TDRD3: variants seen among roughly 807,000 people sequenced by gnomAD.
TDRD3 encodes the protein tudor domain-containing protein 3.
Under a neutral mutation model 86.7 loss-of-function variants are expected in TDRD3, and 45 were observed. That is an observed-to-expected ratio of 0.52 (90% CI 0.41 to 0.67). TDRD3 has a LOEUF of 0.67. Among genes scored for constraint, TDRD3 ranks in the 30% least tolerant of loss-of-function variants. TDRD3 has a pLI of 0.00. For missense variants in TDRD3, 814 were observed against 889.0 expected (o/e 0.92, Z 1.07); for synonymous variants, 298 against 301.7 (o/e 0.99, Z 0.13).
Position 60,529,113 on chromosome 13 carries a change from C to A in TDRD3, c.1888C>A (p.Pro630Thr). Residue 630 changes from proline (P) to threonine (T), a missense_variant, in exon 11 of 14, where the codon CCA becomes ACA. By Grantham distance (38) the Pro-to-Thr change is conservative. Transcript: ENST00000377881. ...TAGTGGGCCCAAACGAAGATCTGGG[C>A]CAATTAAGCCAGAAAAAATACTAGA... is the stretch of plus-strand genomic sequence containing the variant. ...YNSGPKRRSG[P>T]IKPEKILESS... 6.2e-7 allele frequency: 1 copy of A among 1,613,812 alleles called. No homozygotes were observed. The highest frequency in any genetic ancestry group is 8.5e-7 in the Non-Finnish European group (1 of 1,179,902).
At chr13:60,443,174 T>G (rs1955322060) in intron 2 of TDRD3, among the ~76,000 whole-genome samples, 1 of 152,032 alleles carries the variant, frequency 6.6e-6, no homozygotes, top group Admixed American at 6.6e-5. Context: ...TATTGAGTGC[T>G]TACTCTGTGC....
At chr13:60,430,843 G>A (rs1023123768) in intron 1 of TDRD3, among the ~76,000 whole-genome samples, 3 of 151,964 alleles carry the variant, frequency 2.0e-5, no homozygotes, top group Non-Finnish European at 2.9e-5. Flanking sequence ...ATAGAAGTTT[G>A]TTGTTTATTA....
chr13:60,466,994 T>C (rs1038221862), intron 4 of TDRD3, among the ~76,000 whole-genome samples: 5 of 152,070 alleles, frequency 3.3e-5, no homozygotes, highest in African/African-American at 1.2e-4. Flanking sequence ...TTTTTTGTTT[T>C]AAGTTTCAGG....
chr13:60,484,876 A>G (rs1595001389), intron 6 of TDRD3: 1 of 290,018 alleles, frequency 3.4e-6, no homozygotes, highest in Non-Finnish European at 6.8e-6. Flanking sequence ...CATTTTGGTG[A>G]TAATATTTCT....
chr13:60,422,936 A>G (rs1954699684), intron 1 of TDRD3, among the ~76,000 whole-genome samples: 1 of 152,186 alleles, frequency 6.6e-6, no homozygotes, highest in African/African-American at 2.4e-5. Context: ...ATGTAAATCC[A>G]CACATTGAAA....
rs1331639067 is a variant in TDRD3 at position 60,529,102 on chromosome 13, G to A, written c.1877G>A (p.Arg626Gln). 1.1e-5 allele frequency: 17 copies of A among 1,613,830 alleles called. No homozygotes were observed. The highest frequency in any genetic ancestry group is 2.2e-5 in the South Asian group (2 of 91,074). The part of the protein sequence containing the change: ...DKIFYNSGPK[R>Q]RSGPIKPEKI... ...ATATTTTACAATAGTGGGCCCAAAC[G>A]AAGATCTGGGCCAATTAAGCCAGAA... Residue 626 changes from arginine (R) to glutamine (Q), a missense_variant, in exon 11 of 14, where the codon CGA becomes CAA. By Grantham distance (43) the Arg-to-Gln change is conservative. Coordinates refer to ENST00000377881, the MANE Select transcript of TDRD3 (RefSeq NM_001146070.2).
intron 5 of TDRD3, among the ~76,000 whole-genome samples, chr13:60,481,350 T>G (rs1044478987): frequency 4.6e-5 from 3 of 65,648 alleles, no homozygotes; most frequent in African/African-American, 1.8e-4. Flanking sequence ...CCTCTTTGTG[T>G]TTTTTTTTTT....
At chr13:60,544,272 C>A (rs2137864675) in intron 12 of TDRD3, among the ~76,000 whole-genome samples, 1 of 151,308 alleles carries the variant, frequency 6.6e-6, no homozygotes, top group Non-Finnish European at 1.5e-5. Flanking sequence ...CCTTACTTTA[C>A]AAAAATAAAA....
At chr13:60,530,243 C>G (rs1957549579) in intron 11 of TDRD3, among the ~76,000 whole-genome samples, 1 of 152,142 alleles carries the variant, frequency 6.6e-6, no homozygotes, top group East Asian at 1.9e-4. Context: ...AGTCTTGCTT[C>G]TTTCACAGTA....
At chr13:60,437,235 T>C (rs772400988) in intron 1 of TDRD3, among the ~76,000 whole-genome samples, 1 of 150,056 alleles carries the variant, frequency 6.7e-6, no homozygotes, top group Non-Finnish European at 1.5e-5. Flanking sequence ...CAAGCAATTA[T>C]CCTGCCTCAG....
intron 1 of TDRD3, among the ~76,000 whole-genome samples, chr13:60,405,037 C>T (rs1001293835): frequency 3.5e-4 from 54 of 152,332 alleles, no homozygotes; most frequent in African/African-American, 1.2e-3. Context: ...TGCCATCTGC[C>T]ATGATTGTGA....
At chr13:60,509,264 A>G (rs966175400) in intron 8 of TDRD3, among the ~76,000 whole-genome samples, 5 of 152,098 alleles carry the variant, frequency 3.3e-5, no homozygotes, top group Non-Finnish European at 7.4e-5. Flanking sequence ...AAAGCATCAT[A>G]GATAGTATTG....
At chr13:60,427,027 A>G (rs1034248759) in intron 1 of TDRD3, among the ~76,000 whole-genome samples, 5 of 152,250 alleles carry the variant, frequency 3.3e-5, no homozygotes, top group African/African-American at 1.2e-4. Context: ...ACATATTTGT[A>G]TATTAAAAAA....
At chr13:60,425,698 A>G (rs1176956550) in intron 1 of TDRD3, among the ~76,000 whole-genome samples, 1 of 152,056 alleles carries the variant, frequency 6.6e-6, no homozygotes, top group African/African-American at 2.4e-5. Flanking sequence ...GAGTTCACTT[A>G]TACGTGGATT....
At chr13:60,547,452 C>T (rs1957962155) in intron 12 of TDRD3, 3 of 979,046 alleles carry the variant, frequency 3.1e-6, no homozygotes, top group African/African-American at 3.5e-5. Flanking sequence ...GACCTGGGTT[C>T]GAGTCCTGGC....
At chr13:60,439,831 AG>A (rs1351596381) in intron 2 of TDRD3, 59 bp downstream of exon 2, 1 of 1,238,634 alleles carries the variant, frequency 8.1e-7, no homozygotes, top group Admixed American at 2.9e-5. Flanking sequence ...TTCATAAAAA[AG>A]TCTCAGAGTA....
chr13:60,548,912 A>G (rs986507495), intron 12 of TDRD3, among the ~76,000 whole-genome samples: 2 of 152,178 alleles, frequency 1.3e-5, no homozygotes, highest in Non-Finnish European at 2.9e-5. Flanking sequence ...AGTAGAAGAA[A>G]AAAGCTAATT....
At chr13:60,567,044 GA>G (rs1277546045) in intron 12 of TDRD3, among the ~76,000 whole-genome samples, 1 of 152,176 alleles carries the variant, frequency 6.6e-6, no homozygotes, top group Non-Finnish European at 1.5e-5. Flanking sequence ...ATCAGATGGG[GA>G]CAGACAGCTG....
intron 5 of TDRD3, among the ~76,000 whole-genome samples, chr13:60,479,508 G>A (rs979830568): frequency 6.6e-6 from 1 of 152,136 alleles, no homozygotes; most frequent in African/African-American, 2.4e-5. Context: ...ATGTTTATTA[G>A]GTCCAATTGA....
Sources: allele counts gnomAD v4.1 joint callset (sites outside exome capture counted in the v4.1 genomes callset), GRCh38; gene constraint gnomAD v4.1.1; transcripts MANE v1.5; gene names NCBI Gene and HGNC (gene_info 2026-07-23, HGNC 2026-07-21).